The following RBL1 variants were observed in gnomAD, a reference collection of about 807,000 sequenced individuals.
RBL1 encodes RB transcriptional corepressor like 1, also known as retinoblastoma-like protein 1.
Under a neutral mutation model 123.0 loss-of-function variants are expected in RBL1, and 82 were observed. That is an observed-to-expected ratio of 0.67 (90% CI 0.56 to 0.80). RBL1 has a LOEUF of 0.80. RBL1 is among the 30% of genes least tolerant of loss of function. RBL1 has a pLI of 0.00. For missense variants in RBL1, 1,171 were observed against 1,299.6 expected, an observed-to-expected ratio of 0.90 and a Z score of 1.52; for synonymous variants, 405 against 441.3, an observed-to-expected ratio of 0.92 and a Z score of 1.03.
intron 19 of RBL1, among the ~76,000 whole-genome samples, chr20:37,011,748 T>C (rs1451835227): frequency 6.6e-6 from 1 of 152,146 alleles, no homozygotes; most frequent in African/African-American, 2.4e-5. Flanking sequence ...AATGGGTTTT[T>C]ACTGATGAAA....
intron 14 of RBL1, among the ~76,000 whole-genome samples, chr20:37,036,840 T>C (rs2064621464): frequency 1.3e-5 from 2 of 152,052 alleles, no homozygotes; most frequent in Admixed American, 1.3e-4. Context: ...TTAGCCAGGA[T>C]GGTCTCGATC....
intron 9 of RBL1, among the ~76,000 whole-genome samples, chr20:37,057,004 T>TCTAC (rs58869678): frequency 0.23 from 34,034 of 147,274 alleles, 3,999 homozygotes; most frequent in South Asian, 0.26. Context: ...TATCTATCTA[T>TCTAC]CTACCTACCT....
intron 11 of RBL1, among the ~76,000 whole-genome samples, chr20:37,047,455 A>C (rs528061462): frequency 6.6e-6 from 1 of 152,296 alleles, no homozygotes; most frequent in African/African-American, 2.4e-5. Context: ...ATTCCCATCA[A>C]CAGAAAAGCA....
chr20:37,091,390 C>T (rs1415134086), intron 1 of RBL1, among the ~76,000 whole-genome samples: 1 of 151,626 alleles, frequency 6.6e-6, no homozygotes, highest in Non-Finnish European at 1.5e-5. Context: ...AGATAAAGGC[C>T]AGGCACAGTG....
chr20:37,057,004 TCTACCTACCTAC>T (rs58869678), intron 9 of RBL1, among the ~76,000 whole-genome samples: 13,275 of 147,536 alleles, frequency 0.09, 681 homozygotes, highest in African/African-American at 0.13. Context: ...TATCTATCTA[TCTACCTACCTAC>T]CTACCTACCT....
At position 37,058,115 on chromosome 20, in the gene RBL1, T is replaced by TAAAAAAAAA. The variant is rs766773271; in HGVS notation, c.1251-1866_1251-1858dup. ...TGGGCAACAAGGGCGAAACTCTGTC[T>TAAAAAAAAA]AAAAAAAAAAAAAACAAAACAAAAC... On this transcript the variant is annotated intron_variant, in intron 9 of 21. Transcript: ENST00000373664. 1.7e-3 allele frequency among the ~76,000 whole-genome samples: 136 copies of TAAAAAAAAA among 78,364 alleles called. 7 individuals carry two copies. The highest frequency in any genetic ancestry group is 3.1e-3 in the Admixed American group (19 of 6,132). 51.4% of individuals were successfully genotyped at this position (78,364 alleles called of 152,430 possible).
At position 37,061,104 on chromosome 20, in the gene RBL1, C is replaced by CA. The variant is rs1335037981; in HGVS notation, c.1248dup (p.Glu417Ter). ...GAAAAATAACAGTATTGTACATACT[C>CA]AAAAATATTTATAAGTTGGTCACTT... is the stretch of plus-strand genomic sequence containing the variant. On this transcript the variant is annotated frameshift_variant and splice_region_variant, in exon 9 of 22. Coordinates refer to ENST00000373664, the MANE Select transcript of RBL1 (RefSeq NM_002895.5). LOFTEE classifies it high-confidence loss of function. The CA allele has an allele frequency of 2.5e-6, 4 of 1,601,302 alleles. No homozygotes were observed. Among genetic ancestry groups the CA allele is most frequent in the Non-Finnish European group, 3.4e-6 (4 of 1,173,282 alleles).
chr20:37,052,276 C>T (rs2146280014), intron 11 of RBL1, among the ~76,000 whole-genome samples: 1 of 151,956 alleles, frequency 6.6e-6, no homozygotes, highest in East Asian at 2.0e-4. Context: ...TGTGATCCAC[C>T]CGGCTTGGCC....
intron 16 of RBL1, among the ~76,000 whole-genome samples, chr20:37,031,122 A>G (rs1364853991): frequency 6.6e-6 from 1 of 152,184 alleles, no homozygotes; most frequent in Non-Finnish European, 1.5e-5. Flanking sequence ...GAAAAGTTTT[A>G]TAATACTGGA....
At chr20:37,067,351 A>G in intron 3 of RBL1, 54 bp from the exon 4 acceptor site, 1 of 1,278,128 alleles carries the variant, frequency 7.8e-7, no homozygotes, top group Non-Finnish European at 1.1e-6. Flanking sequence ...AATATCATGT[A>G]AACTGAAATA....
chr20:37,003,641 G>A, intron 21 of RBL1, 61 bp downstream of exon 21: 1 of 1,450,964 alleles, frequency 6.9e-7, no homozygotes. Context: ...AAAAAAAAGA[G>A]GCAGGATTAA....
chr20:37,043,970 A>T (rs2064773899), intron 13 of RBL1, 116 bp downstream of exon 13: 9 of 765,152 alleles, frequency 1.2e-5, no homozygotes, highest in Non-Finnish European at 1.8e-5. Context: ...TACTAAAACC[A>T]CTGAATTGTA....
At chr20:37,064,796 G>T (rs2065152597) in intron 7 of RBL1, among the ~76,000 whole-genome samples, 1 of 152,014 alleles carries the variant, frequency 6.6e-6, no homozygotes, top group Non-Finnish European at 1.5e-5. Flanking sequence ...TTTTAGTAGA[G>T]ATGCGGTTTC....
At chr20:37,051,897 C>T (rs1600534863) in intron 11 of RBL1, among the ~76,000 whole-genome samples, 1 of 151,684 alleles carries the variant, frequency 6.6e-6, no homozygotes, top group East Asian at 1.9e-4. Flanking sequence ...TCAAAGGTCA[C>T]TTGAAAAAGG....
chr20:37,016,298 G>A (rs1319072467), intron 19 of RBL1, among the ~76,000 whole-genome samples: 1 of 152,096 alleles, frequency 6.6e-6, no homozygotes, highest in Non-Finnish European at 1.5e-5. Flanking sequence ...AAAGTGCTGG[G>A]ATTACAGGTG....
At position 36,997,512 on chromosome 20, in the gene RBL1, T is replaced by G. The variant is rs1958553358; in HGVS notation, c.*1247A>C. On this transcript the variant is annotated 3_prime_UTR_variant, in exon 22 of 22. Transcript: ENST00000373664. ...TGATGTATTAAATATATTAGAATTA[T>G]GAGGCATGAGATGATATTTATGTGA... The G allele has an allele frequency of 1.3e-5, 2 of 152,094 alleles. No individual in the cohort carries two copies. Among genetic ancestry groups the G allele is most frequent in the African/African-American group, 4.8e-5 (2 of 41,394 alleles). 9.4% of individuals were successfully genotyped at this position (152,094 alleles called of 1,614,324 possible). A position where few individuals can be genotyped will look rare whatever the true frequency, so the allele number is the denominator to read the frequency against.
At chr20:37,095,168 G>A (rs1276886958) in intron 1 of RBL1, among the ~76,000 whole-genome samples, 1 of 152,198 alleles carries the variant, frequency 6.6e-6, no homozygotes, top group Non-Finnish European at 1.5e-5. Flanking sequence ...AGGAGGAAAC[G>A]TAGGGCTGAG....
chr20:36,999,587 CCCTGCCTGATTCT>C (rs2063932345), intron 21 of RBL1, among the ~76,000 whole-genome samples: 1 of 152,120 alleles, frequency 6.6e-6, no homozygotes, highest in Non-Finnish European at 1.5e-5. Flanking sequence ...ACTGCAACCT[CCCTGCCTGATTCT>C]CCTGCCTCAG....
At chr20:37,023,560 A>T (rs911319693) in intron 16 of RBL1, among the ~76,000 whole-genome samples, 2 of 152,172 alleles carry the variant, frequency 1.3e-5, no homozygotes, top group African/African-American at 2.4e-5. Flanking sequence ...AAAACCATTT[A>T]AAAAATTGCT....
Sources: allele counts gnomAD v4.1 joint callset (sites outside exome capture counted in the v4.1 genomes callset), GRCh38; gene constraint gnomAD v4.1.1; transcripts MANE v1.5; gene names NCBI Gene and HGNC (gene_info 2026-07-23, HGNC 2026-07-21).